Variants in IFT22 observed in about 807,000 individuals in gnomAD.
IFT22 encodes intraflagellar transport 22, also known as intraflagellar transport protein 22 homolog.
IFT22 carries 13 observed loss-of-function variants against 21.0 expected under a neutral mutation model. That is an observed-to-expected ratio of 0.62 (90% CI 0.40 to 0.98). IFT22 has a LOEUF of 0.98. IFT22 is among the 50% of genes least tolerant of loss of function. The pLI is 0.00. For missense variants in IFT22, 227 were observed against 228.9 expected (o/e 0.99, Z 0.06); for synonymous variants, 67 against 82.4 (o/e 0.81, Z 1.01).
Position 101,311,947 on chromosome 7 carries a change from G to A in IFT22, c.*3187C>T, listed in dbSNP as rs1789988548. 6.6e-6 allele frequency among the ~76,000 whole-genome samples: 1 copy of A among 152,118 alleles called. No homozygotes were observed. The highest frequency in any genetic ancestry group is 6.6e-5 in the Admixed American group (1 of 15,262). On this transcript the variant is annotated 3_prime_UTR_variant, in exon 5 of 5. Transcript: ENST00000315322. ...CAGTTGAACCCGGAGGGTGGAGATT[G>A]CAGTGAGACTCTCAAAAAAACAAAA...
intron 1 of IFT22, among the ~76,000 whole-genome samples, chr7:101,320,951 T>C (rs983650656): frequency 8.5e-5 from 13 of 152,134 alleles, no homozygotes; most frequent in Non-Finnish European, 1.9e-4. Flanking sequence ...GAGACCAGCC[T>C]GGCCAACAAG....
intron 4 of IFT22, 129 bp from the exon 5 acceptor site, chr7:101,315,411 G>A (rs772627529): frequency 1.0e-6 from 1 of 986,552 alleles, no homozygotes. Flanking sequence ...CTTGACACCA[G>A]AGAACAGAGA....
rs1337089999 is a variant in IFT22 at position 101,319,020 on chromosome 7, C to T, written c.52G>A (p.Val18Ile). ...GATTCTGTCAGAAAGTTGGCCAAAACAGTTTTTCCACTCTGTGAAAATGAG... is the reference window on the plus strand; with the variant it reads ...GATTCTGTCAGAAAGTTGGCCAAAATAGTTTTTCCACTCTGTGAAAATGAG... ...FVGPCESGKT[V>I]LANFLTESSD... is the part of the protein sequence containing the mutation. The change falls in exon 2 of 5, where the codon GTT (valine) becomes ATT (isoleucine). Residue 18 changes from valine (V) to isoleucine (I), a missense_variant. Transcript: ENST00000315322. 6.2e-7 allele frequency: 1 copy of T among 1,613,814 alleles called. No individual in the cohort carries two copies. The highest frequency in any genetic ancestry group is 8.5e-7 in the Non-Finnish European group (1 of 1,179,904).
At chr7:101,315,960 G>A (rs1790131604) in intron 4 of IFT22, 1 of 196,388 alleles carries the variant, frequency 5.1e-6, no homozygotes, top group African/African-American at 2.4e-5. Context: ...CAAAGTGTTG[G>A]GATTACAGGT....
intron 4 of IFT22, chr7:101,315,862 TG>T (rs1173728845): frequency 5.8e-6 from 1 of 171,882 alleles, no homozygotes; most frequent in Non-Finnish European, 1.2e-5. Context: ...GGCTAATTTT[TG>T]TATTTTTAGT....
chr7:101,315,997 CT>C (rs59453200), intron 4 of IFT22: 39,721 of 141,668 alleles, frequency 0.28, 6,215 homozygotes, highest in African/African-American at 0.52. Flanking sequence ...GGTCTTTTCT[CT>C]TTTTTTTTTT....
rs1300780596 is a variant in IFT22, at chr7:101,315,625, C to A, written c.410-343G>T. 1.8e-5 allele frequency: 5 copies of A among 273,374 alleles called. No individual in the cohort carries two copies. The East Asian group carries it at 4.5e-4, about 25-fold the overall frequency. The allele number at this position is 273,374 out of a possible 1,614,324, so 16.9% of individuals were successfully genotyped here. On this transcript the variant is annotated intron_variant, in intron 4 of 4. Coordinates refer to ENST00000315322, the MANE Select transcript of IFT22 (RefSeq NM_022777.4). ...TTGGAGGTTTTTCTCCAGAAAAGTT[C>A]TTTCAGAAAGAGTGCCCCCCTAGTT...
At chr7:101,318,615 G>T in intron 2 of IFT22, 1 of 281,090 alleles carries the variant, frequency 3.6e-6, no homozygotes, top group Non-Finnish European at 6.8e-6. Flanking sequence ...GGTGATGGCT[G>T]GGCAGTCTTT....
Position 101,314,844 on chromosome 7 carries a change from T to G in IFT22, c.*290A>C. On this transcript the variant is annotated 3_prime_UTR_variant, in exon 5 of 5. Transcript: ENST00000315322. ...CTGCGACGGTTACAAGTCCACAAACTGTTTAACTGGACATATGTGAGGTGG... is the reference window on the plus strand; with the variant it reads ...CTGCGACGGTTACAAGTCCACAAACGGTTTAACTGGACATATGTGAGGTGG... The G allele has an allele frequency of 2.9e-6, 1 of 342,886 alleles. No individual in the cohort carries two copies. The highest frequency in any genetic ancestry group is 5.4e-6 in the Non-Finnish European group (1 of 186,774). 21.2% of individuals were successfully genotyped at this position (342,886 alleles called of 1,614,324 possible).
In IFT22 at chr7:101,311,263, T is replaced by A. The variant is rs1789974759; in HGVS notation, c.*3871A>T. On this transcript the variant is annotated 3_prime_UTR_variant, in exon 5 of 5. Coordinates refer to ENST00000315322, the MANE Select transcript of IFT22 (RefSeq NM_022777.4). The stretch of plus-strand genomic sequence containing the variant: ...GCCTCGGCCTCCCAAAGTGCTGGGA[T>A]TACAGGCGTGAGCCACTGCGCCTGG... Among the ~76,000 whole-genome samples, 1 of 152,152 alleles carries A rather than the reference T, an allele frequency of 6.6e-6. No homozygotes were observed. The highest frequency in any genetic ancestry group is 1.5e-5 in the Non-Finnish European group (1 of 68,036).
chr7:101,321,745 G>C lies in IFT22; in HGVS notation c.-36C>G, dbSNP rs763099205. 3.2e-6 allele frequency: 5 copies of C among 1,571,148 alleles called. No individual in the cohort carries two copies. In the South Asian group the frequency reaches 3.5e-5, roughly 11 times the overall value. ...CGCGGCTTAGCCGGCCGGAGCCCAC[G>C]GGAGGCGGCGCGTCAGGACGGAGCT... On this transcript the variant is annotated 5_prime_UTR_variant, in exon 1 of 5. Transcript: ENST00000315322.
intron 1 of IFT22, among the ~76,000 whole-genome samples, chr7:101,320,670 A>AAC (rs1790315296): frequency 2.6e-5 from 4 of 150,946 alleles, no homozygotes; most frequent in South Asian, 2.1e-4. Flanking sequence ...CCACGCCCCC[A>AAC]ACACACACAT....
At position 101,312,263 on chromosome 7, in the gene IFT22, G is replaced by T. The variant is rs893865323; in HGVS notation, c.*2871C>A. ...TACAAAAAGTACAAAAATTAGCCAG[G>T]CGTGCACTAATTAGTGGGCTGGACC... On this transcript the variant is annotated 3_prime_UTR_variant, in exon 5 of 5. Transcript: ENST00000315322. Among the ~76,000 whole-genome samples, 5 of 151,936 alleles carry T rather than the reference G, an allele frequency of 3.3e-5. No individual in the cohort carries two copies. The highest frequency in any genetic ancestry group is 7.4e-5 in the Non-Finnish European group (5 of 68,008).
rs934461106 is a variant in IFT22 at position 101,310,989 on chromosome 7, ATTTTTTTTT to A, written c.*4136_*4144del. The A allele has an allele frequency of 1.1e-3, 257 of 239,834 alleles. 1 individual carries two copies. Among genetic ancestry groups the A allele is most frequent in the African/African-American group, 6.9e-3 (243 of 35,468 alleles). The allele number at this position is 239,834 out of a possible 1,614,324, so 14.9% of individuals were successfully genotyped here. On this transcript the variant is annotated 3_prime_UTR_variant, in exon 5 of 5. Coordinates refer to ENST00000315322, the MANE Select transcript of IFT22 (RefSeq NM_022777.4). ...CAGGTGAACAAAATCTGCTGGGTTAATTTTTTTTTTTTTTTTTTTTTTGAGATGGAGTCT... is the reference window on the plus strand; with the variant it reads ...CAGGTGAACAAAATCTGCTGGGTTAATTTTTTTTTTTTTGAGATGGAGTCT...
rs1790089958 is a variant in IFT22 at position 101,314,763 on chromosome 7, A to T, written c.*371T>A. On this transcript the variant is annotated 3_prime_UTR_variant, in exon 5 of 5. Transcript: ENST00000315322. ...TCGGTATTTGTTGGGTGAATCAAGG[A>T]ATGAAAATCACATTCAAGCCAATAC... is the stretch of plus-strand genomic sequence containing the variant. The T allele has an allele frequency of 5.2e-6, 1 of 191,028 alleles. No individual in the cohort carries two copies. The highest frequency in any genetic ancestry group is 1.1e-5 in the Non-Finnish European group (1 of 93,370). The allele number at this position is 191,028 out of a possible 1,614,324, so 11.8% of individuals were successfully genotyped here. A position where few individuals can be genotyped will look rare whatever the true frequency, so the allele number is the denominator to read the frequency against.
chr7:101,312,980 C>T lies in IFT22; in HGVS notation c.*2154G>A, dbSNP rs12669565. On this transcript the variant is annotated 3_prime_UTR_variant, in exon 5 of 5. Coordinates refer to ENST00000315322, the MANE Select transcript of IFT22 (RefSeq NM_022777.4). ...TCCCAGGTAGCTGGGATTACAGGCA[C>T]GTGCTACCACGCCCAGCTAATTTTT... Among the ~76,000 whole-genome samples, 32,159 of 151,928 alleles carry T rather than the reference C, an allele frequency of 0.21. 3,687 individuals are homozygous for T. Among genetic ancestry groups the T allele is most frequent in the East Asian group, 0.39 (2,034 of 5,152 alleles).
intron 1 of IFT22, 107 bp downstream of exon 1, chr7:101,321,564 T>C: frequency 9.7e-6 from 12 of 1,230,876 alleles, no homozygotes; most frequent in Non-Finnish European, 1.3e-5. Flanking sequence ...TGGGCCCGGG[T>C]TCCCGCCTCC....
chr7:101,319,142 G>A, intron 1 of IFT22, 110 bp from the exon 2 acceptor site: 1 of 968,950 alleles, frequency 1.0e-6, no homozygotes, highest in East Asian at 2.6e-5. Flanking sequence ...ATAGGTCATG[G>A]GCACCCTGAG....
At chr7:101,319,063 G>T (rs1411315943) in intron 1 of IFT22, 31 bp from the exon 2 acceptor site, 3 of 1,611,460 alleles carry the variant, frequency 1.9e-6, no homozygotes, top group Non-Finnish European at 2.5e-6. Context: ...AAAGGTCTTT[G>T]CTGAAAGGCA....
Sources: gnomAD v4.1 joint callset for allele counts (sites outside exome capture counted in the v4.1 genomes callset) on GRCh38, gnomAD v4.1.1 for gene constraint, MANE v1.5 for transcripts, NCBI Gene and HGNC (gene_info 2026-07-23, HGNC 2026-07-21) for gene names.